Variants in KANK1 observed in about 807,000 individuals in gnomAD.
KANK1 encodes KN motif and ankyrin repeat domains 1, also known as KN motif and ankyrin repeat domain-containing protein 1.
Under a neutral mutation model 106.2 loss-of-function variants are expected in KANK1, and 109 were observed. The ratio of observed to expected loss-of-function variants is 1.03; its 90% CI spans 0.88 to 1.20. The LOEUF (loss-of-function observed/expected upper bound fraction) is 1.20, where lower values mean the gene tolerates loss of function less well. KANK1 is among the 50% of genes most tolerant of loss of function. KANK1 has a pLI of 0.00. For synonymous variants in KANK1, 873 were observed against 652.2 expected (o/e 1.34, Z -5.16); for missense variants, 2,399 against 1,710.7 (o/e 1.40, Z -7.10).
chr9:628,071 G>C (rs928031471), intron 1 of KANK1, among the ~76,000 whole-genome samples: 2 of 152,202 alleles, frequency 1.3e-5, no homozygotes. Flanking sequence ...TTAAAATACA[G>C]TTGCTTATTT....
intron 3 of KANK1, among the ~76,000 whole-genome samples, chr9:717,011 C>T (rs1827895158): frequency 6.6e-6 from 1 of 151,182 alleles, no homozygotes; most frequent in South Asian, 2.1e-4. Flanking sequence ...GGAGATTGTG[C>T]ACGGTGGCTC....
chr9:512,249 G>GTATGTA (rs1554605649), intron 1 of KANK1, among the ~76,000 whole-genome samples: 3 of 149,506 alleles, frequency 2.0e-5, no homozygotes, highest in Non-Finnish European at 3.0e-5. Context: ...GTGTGTGTGT[G>GTATGTA]TATGTATATA....
At chr9:483,184 A>C (rs1347896945) in intron 3 of KANK1, among the ~76,000 whole-genome samples, 1 of 152,204 alleles carries the variant, frequency 6.6e-6, no homozygotes, top group Non-Finnish European at 1.5e-5. Flanking sequence ...AGGAAAAAAA[A>C]ACATAGTATA....
At chr9:565,412 A>G (rs1471326945) in intron 1 of KANK1, among the ~76,000 whole-genome samples, 1 of 152,234 alleles carries the variant, frequency 6.6e-6, no homozygotes, top group Admixed American at 6.5e-5. Flanking sequence ...GTCACCCAAA[A>G]GGGTCTTCCA....
intron 1 of KANK1, among the ~76,000 whole-genome samples, chr9:606,107 T>G (rs34691240): frequency 2.0e-5 from 3 of 150,272 alleles, no homozygotes; most frequent in African/African-American, 5.0e-5. Context: ...CATAGAACTT[T>G]CCCCCAGTAT....
At chr9:651,797 C>T (rs1453647220) in intron 1 of KANK1, among the ~76,000 whole-genome samples, 1 of 152,086 alleles carries the variant, frequency 6.6e-6, no homozygotes, top group African/African-American at 2.4e-5. Context: ...ACAAATTTAC[C>T]AACATAGATA....
At chr9:571,162 C>G (rs1819055773) in intron 1 of KANK1, among the ~76,000 whole-genome samples, 1 of 152,194 alleles carries the variant, frequency 6.6e-6, no homozygotes. Context: ...CCATCGAAAA[C>G]CAGCTCCACT....
chr9:490,110 C>G (rs1269505881), intron 3 of KANK1, among the ~76,000 whole-genome samples: 1 of 152,216 alleles, frequency 6.6e-6, no homozygotes, highest in Non-Finnish European at 1.5e-5. Flanking sequence ...GGAAATACTT[C>G]AATCCTGACC....
At chr9:571,713 T>C (rs191965284) in intron 1 of KANK1, among the ~76,000 whole-genome samples, 1 of 152,316 alleles carries the variant, frequency 6.6e-6, no homozygotes, top group Non-Finnish European at 1.5e-5. Context: ...AGAAATACAG[T>C]TGGACTATAG....
chr9:535,357 G>A (rs1265757187), intron 1 of KANK1, among the ~76,000 whole-genome samples: 4 of 152,030 alleles, frequency 2.6e-5, no homozygotes, highest in Non-Finnish European at 4.4e-5. Context: ...AAGAGTCCTC[G>A]GGGGCTTTCC....
intron 2 of KANK1, among the ~76,000 whole-genome samples, chr9:679,599 G>A (rs904651015): frequency 6.6e-6 from 1 of 152,092 alleles, no homozygotes; most frequent in African/African-American, 2.4e-5. Context: ...ATTTTTAGTA[G>A]AGATGAGGTT....
intron 10 of KANK1, among the ~76,000 whole-genome samples, chr9:742,636 C>G (rs932262089): frequency 2.0e-5 from 3 of 152,124 alleles, no homozygotes; most frequent in Admixed American, 6.5e-5. Context: ...GGCCCTACCC[C>G]AAAAATTCAT....
chr9:630,192 G>A (rs2136724573), intron 1 of KANK1, among the ~76,000 whole-genome samples: 1 of 152,160 alleles, frequency 6.6e-6, no homozygotes, highest in Admixed American at 6.5e-5. Flanking sequence ...AGGCTGCAGT[G>A]AGCTGAGGTT....
chr9:714,971 G>A (rs1323257), intron 3 of KANK1, among the ~76,000 whole-genome samples: 61,361 of 151,738 alleles, frequency 0.4, 12,884 homozygotes, highest in Middle Eastern at 0.53. Context: ...GAAAATGTGT[G>A]ATACAGACTT....
chr9:534,823 T>G (rs1209220774), intron 1 of KANK1, among the ~76,000 whole-genome samples: 1 of 152,252 alleles, frequency 6.6e-6, no homozygotes, highest in Non-Finnish European at 1.5e-5. Context: ...TTTATTCATC[T>G]TAAGTAGAAA....
intron 1 of KANK1, among the ~76,000 whole-genome samples, chr9:673,293 C>G (rs1028600933): frequency 2.7e-5 from 4 of 148,258 alleles, no homozygotes; most frequent in African/African-American, 1.0e-4. Context: ...TCACCGCAAC[C>G]TCTGCCTCCC....
chr9:665,063 A>T (rs1253425339), intron 1 of KANK1, among the ~76,000 whole-genome samples: 8 of 152,090 alleles, frequency 5.3e-5, no homozygotes, highest in Non-Finnish European at 1.0e-4. Context: ...TATTCTGGTT[A>T]TTTATCTTGT....
At chr9:477,527 G>A (rs376207996) in intron 3 of KANK1, among the ~76,000 whole-genome samples, 151 of 152,266 alleles carry the variant, frequency 9.9e-4, no homozygotes, top group African/African-American at 2.7e-3. Context: ...GAAAAGATGG[G>A]GTGTTTTTCC....
At chr9:657,080 C>T (rs77103787) in intron 1 of KANK1, among the ~76,000 whole-genome samples, 8,088 of 152,214 alleles carry the variant, frequency 0.053, 234 homozygotes, top group African/African-American at 0.066. Context: ...TTTCTACTTT[C>T]TGTTTCTATG....
Sources: allele counts gnomAD v4.1 joint callset (sites outside exome capture counted in the v4.1 genomes callset), GRCh38; gene constraint gnomAD v4.1.1; transcripts MANE v1.5; gene names NCBI Gene and HGNC (gene_info 2026-07-23, HGNC 2026-07-21).